Variants in DHPS observed in about 807,000 individuals in gnomAD.
DHPS encodes the protein migration-inducing gene 13.
A neutral mutation model predicts 38.7 loss-of-function variants in DHPS; 24 were observed. That is an observed-to-expected ratio of 0.62 (90% CI 0.45 to 0.87). The LOEUF is 0.87. Among genes scored for constraint, DHPS ranks in the 40% least tolerant of loss-of-function variants. The pLI is 0.00. For missense variants in DHPS, 510 were observed against 497.6 expected (o/e 1.02, Z -0.24); for synonymous variants, 250 against 204.4 (o/e 1.22, Z -1.90).
intron 5 of DHPS, among the ~76,000 whole-genome samples, chr19:12,679,084 C>T (rs751648648): frequency 6.6e-6 from 1 of 151,722 alleles, no homozygotes; most frequent in Non-Finnish European, 1.5e-5. Context: ...CTGCCTGACG[C>T]CAGGAGTTCA....
chr19:12,676,681 G>A (rs1413794754), intron 7 of DHPS: 1 of 249,308 alleles, frequency 4.0e-6, no homozygotes, highest in East Asian at 9.8e-5. Context: ...CAGGTACCCA[G>A]CTGTTCCTGG....
chr19:12,680,417 C>A (rs1474756779), intron 1 of DHPS, 92 bp from the exon 2 acceptor site: 2 of 1,398,374 alleles, frequency 1.4e-6, no homozygotes, highest in East Asian at 2.3e-5. Flanking sequence ...TCACCCCAGG[C>A]CCTGCACATT....
chr19:12,680,904 G>A (rs1289919546), intron 1 of DHPS: 10 of 189,700 alleles, frequency 5.3e-5, no homozygotes, highest in African/African-American at 9.4e-5. Flanking sequence ...CGCAATCTCA[G>A]CTCACTGCAA....
chr19:12,672,745 T>G (rs2145320428), downstream of DHPS: 1 of 1,203,874 alleles, frequency 8.3e-7, no homozygotes, highest in African/African-American at 1.5e-5. Flanking sequence ...ATTCCACTCC[T>G]GTGCACTGGA....
chr19:12,675,611 T>C (rs1024589596), downstream of DHPS: 1 of 1,604,126 alleles, frequency 6.2e-7, no homozygotes, highest in Non-Finnish European at 8.5e-7. Context: ...CTGACCGCCA[T>C]GGGAGGCAGC....
intron 7 of DHPS, 36 bp downstream of exon 7, chr19:12,677,072 G>A (rs372445054): frequency 1.3e-5 from 20 of 1,582,532 alleles, no homozygotes; most frequent in African/African-American, 4.0e-5. Context: ...CACACAGCAT[G>A]TCTGCAGAGT....
intron 1 of DHPS, among the ~76,000 whole-genome samples, chr19:12,680,535 CTTTTTT>C (rs869197999): frequency 1.4e-5 from 2 of 140,110 alleles, no homozygotes; most frequent in African/African-American, 5.3e-5. Context: ...TGCCCCCACC[CTTTTTT>C]TTTTTTTTTT....
At chr19:12,673,153 T>A, downstream of DHPS, 1 of 1,611,432 alleles carries the variant, frequency 6.2e-7, no homozygotes, top group Admixed American at 1.7e-5. Context: ...CCTTCCCTCC[T>A]CTCCCACCCC....
chr19:12,674,381 G>A (rs751843359), downstream of DHPS, among the ~76,000 whole-genome samples: 18 of 152,118 alleles, frequency 1.2e-4, no homozygotes, highest in African/African-American at 3.9e-4. Context: ...GGGGAATCTC[G>A]GCAAAGGAGA....
At chr19:12,675,303 C>T (rs2024541116), downstream of DHPS, among the ~76,000 whole-genome samples, 1 of 152,174 alleles carries the variant, frequency 6.6e-6, no homozygotes, top group Non-Finnish European at 1.5e-5. Flanking sequence ...GCTCCCAAGA[C>T]TTGCGGCCTG....
downstream of DHPS, among the ~76,000 whole-genome samples, chr19:12,673,682 C>G (rs1300494275): frequency 6.6e-6 from 1 of 151,722 alleles, no homozygotes; most frequent in African/African-American, 2.4e-5. Flanking sequence ...TTCCCAAGTG[C>G]TAGGATTACA....
chr19:12,677,152 C>T lies in DHPS; in HGVS notation c.844G>A (p.Gly282Ser), dbSNP rs1307504136. ...ATGTGGTGCTTGACCACGCCCCCGCCCAGAATGATCATCCCAGTGCACTTG... is the reference window on the plus strand; with the variant it reads ...ATGTGGTGCTTGACCACGCCCCCGCTCAGAATGATCATCCCAGTGCACTTG... The part of the protein sequence containing the change: ...FAKCTGMIIL[G>S]GGVVKHHIAN... The change falls in exon 7 of 9, where the codon GGC becomes AGC. Residue 282 changes from glycine (G) to serine (S), a missense_variant. By Grantham distance (56) the Gly-to-Ser change is moderately conservative (BLOSUM62 0). Transcript: ENST00000210060. 1 of 1,614,218 alleles carries T rather than the reference C, an allele frequency of 6.2e-7. No individual in the cohort carries two copies.
chr19:12,673,409 T>C (rs530210026), downstream of DHPS: 26 of 367,746 alleles, frequency 7.1e-5, no homozygotes, highest in African/African-American at 6.3e-4. Flanking sequence ...AAGGCTAGGA[T>C]CTTTTTTTTT....
At chr19:12,676,996 C>G (rs2024614245) in intron 7 of DHPS, 112 bp downstream of exon 7, 5 of 967,206 alleles carry the variant, frequency 5.2e-6, no homozygotes, top group Non-Finnish European at 8.0e-6. Flanking sequence ...GAACATCAGT[C>G]CCGGGGAGCA....
Position 12,677,149 on chromosome 19 carries a change from C to T in DHPS, c.847G>A (p.Gly283Arg). 3.1e-6 allele frequency: 5 copies of T among 1,614,216 alleles called. No individual in the cohort carries two copies. The highest frequency in any genetic ancestry group is 4.2e-6 in the Non-Finnish European group (5 of 1,180,042). The change falls in exon 7 of 9, where the codon GGG becomes AGG. Residue 283 changes from glycine (G) to arginine (R), a missense_variant. Coordinates refer to ENST00000210060, the MANE Select transcript of DHPS (RefSeq NM_001930.4). ...AKCTGMIILG[G>R]GVVKHHIANA... ...GCAATGTGGTGCTTGACCACGCCCC[C>T]GCCCAGAATGATCATCCCAGTGCAC...
intron 7 of DHPS, chr19:12,676,629 CTGCATCACCTCCT>C (rs2024599050): frequency 4.4e-6 from 1 of 226,024 alleles, no homozygotes; most frequent in Non-Finnish European, 9.0e-6. Flanking sequence ...TGGCACCTCC[CTGCATCACCTCCT>C]GGCCCTCACC....
chr19:12,677,069 C>A, intron 7 of DHPS, 39 bp downstream of exon 7: 1 of 1,582,576 alleles, frequency 6.3e-7, no homozygotes, highest in South Asian at 1.1e-5. Context: ...CACCACACAG[C>A]ATGTCTGCAG....
downstream of DHPS, chr19:12,675,578 A>ACCACC: frequency 1.2e-6 from 2 of 1,605,980 alleles, no homozygotes; most frequent in Non-Finnish European, 1.7e-6. Flanking sequence ...TCGCTGGCCT[A>ACCACC]CCACCCAACA....
Position 12,675,783 on chromosome 19 carries a change from G to A in DHPS, c.*55C>T. On this transcript the variant is annotated 3_prime_UTR_variant, in exon 9 of 9. Coordinates refer to ENST00000210060, the MANE Select transcript of DHPS (RefSeq NM_001930.4). The stretch of plus-strand genomic sequence containing the variant: ...GACCAAAAAGTAGGGGAGGGGCTGG[G>A]TCTGCAAATTAATAAATAGAAGAGG... 1 of 1,567,476 alleles carries A rather than the reference G, an allele frequency of 6.4e-7. No homozygotes were observed. The highest frequency in any genetic ancestry group is 8.7e-7 in the Non-Finnish European group (1 of 1,154,682).
Sources: allele counts gnomAD v4.1 joint callset (sites outside exome capture counted in the v4.1 genomes callset), GRCh38; gene constraint gnomAD v4.1.1; transcripts MANE v1.5; gene names NCBI Gene and HGNC (gene_info 2026-07-23, HGNC 2026-07-21).